Variants in ASH1L observed in about 807,000 individuals in gnomAD.
ASH1L encodes the protein ASH1 like histone lysine methyltransferase.
Under a neutral mutation model 269.0 loss-of-function variants are expected in ASH1L, and 23 were observed. That is an observed-to-expected ratio of 0.09 (90% CI 0.06 to 0.12). ASH1L has a LOEUF of 0.12. Among genes scored for constraint, ASH1L ranks in the 10% least tolerant of loss-of-function variants. The probability of loss-of-function intolerance (pLI) is 1.00; values close to 1 mark genes in which losing one functional copy is unlikely to be tolerated. For synonymous variants in ASH1L, 1,187 were observed against 1,253.5 expected (o/e 0.95, Z 1.12); for missense variants, 2,912 against 3,567.8 (o/e 0.82, Z 4.68).
intron 2 of ASH1L, among the ~76,000 whole-genome samples, chr1:155,494,389 G>A (rs959968595): frequency 6.6e-6 from 1 of 152,210 alleles, no homozygotes; most frequent in Non-Finnish European, 1.5e-5. Flanking sequence ...AAGATTTTAT[G>A]AAGAGGTATA....
intron 5 of ASH1L, among the ~76,000 whole-genome samples, chr1:155,431,069 G>C (rs1054668583): frequency 6.6e-5 from 10 of 151,822 alleles, no homozygotes; most frequent in Admixed American, 6.6e-4. Context: ...AAAATTAGCC[G>C]GGCATGGTGG....
At chr1:155,360,273 A>G in intron 13 of ASH1L, 28 bp downstream of exon 13, 1 of 1,421,818 alleles carries the variant, frequency 7.0e-7, no homozygotes. Flanking sequence ...ATAAAGTTCA[A>G]TCTCCCTCTA....
At chr1:155,492,033 C>CTTTT (rs747132753) in intron 2 of ASH1L, among the ~76,000 whole-genome samples, 16 of 111,916 alleles carry the variant, frequency 1.4e-4, no homozygotes, top group Non-Finnish European at 2.2e-4. Context: ...GTTTTGTTTA[C>CTTTT]TTTTTTTTTT....
intron 19 of ASH1L, 24 bp downstream of exon 19, chr1:155,349,303 C>A: frequency 6.3e-7 from 1 of 1,598,342 alleles, no homozygotes; most frequent in Non-Finnish European, 8.5e-7. Flanking sequence ...CTTGTGAAAT[C>A]TGTTTGAAGT....
chr1:155,460,653 T>C (rs921896355), intron 3 of ASH1L, among the ~76,000 whole-genome samples: 2 of 152,008 alleles, frequency 1.3e-5, no homozygotes, highest in African/African-American at 4.8e-5. Context: ...ACACATCCTA[T>C]CCAATTCACA....
At position 155,414,252 on chromosome 1, in the gene ASH1L, C is replaced by T. The variant is rs528423191; in HGVS notation, c.6008+1492G>A. On this transcript the variant is annotated intron_variant, in intron 6 of 27. Coordinates refer to ENST00000392403, the MANE Select transcript of ASH1L (RefSeq NM_018489.3). ...TGGAGTTATCTTAAACAAACCTATA[C>T]CTTTCACATCCATCCCCCAAACTCA... 5.9e-5 allele frequency among the ~76,000 whole-genome samples: 9 copies of T among 152,224 alleles called. No homozygotes were observed. The South Asian group carries it at 1.7e-3, about 28-fold the overall frequency.
Position 155,521,291 on chromosome 1 carries a change from C to G in ASH1L, c.229G>C (p.Glu77Gln). The change falls in exon 2 of 28, where the codon GAA becomes CAA. Residue 77 changes from glutamate (E) to glutamine (Q), a missense_variant. Around this residue, in one of 13 missense-constraint regions of ASH1L, gnomAD observed 115 missense variants for 101.5 expected, o/e 1.13. Transcript: ENST00000392403. ...TDAQQQFSVK[E>Q]TNFSEGNLKL... ...AAATTTCCCTCTGAAAAGTTTGTTT[C>G]TTTCACTGAAAACTGTTGCTGTGCA... The G allele has an allele frequency of 6.2e-7, 1 of 1,614,130 alleles. No homozygotes were observed.
chr1:155,443,069 G>T (rs991238376), intron 4 of ASH1L, among the ~76,000 whole-genome samples: 1 of 152,164 alleles, frequency 6.6e-6, no homozygotes, highest in Admixed American at 6.5e-5. Context: ...TTAACGCGGT[G>T]ACTATATTCA....
At chr1:155,389,646 C>A (rs961037754) in intron 7 of ASH1L, among the ~76,000 whole-genome samples, 2 of 152,122 alleles carry the variant, frequency 1.3e-5, no homozygotes, top group Non-Finnish European at 2.9e-5. Context: ...GCACTCCAGC[C>A]TGGGCAACAG....
At position 155,562,785 on chromosome 1, in the gene ASH1L, C is replaced by T. The variant is rs1252692639; in HGVS notation, c.-732G>A. On this transcript the variant is annotated 5_prime_UTR_variant, in exon 1 of 28. Coordinates refer to ENST00000392403, the MANE Select transcript of ASH1L (RefSeq NM_018489.3). ...CGCAGGCCCTCACGCGTACCTTCAA[C>T]GGCGCAAGCCCAAGCCTCCTCCTCC... is the stretch of plus-strand genomic sequence containing the variant. The T allele has an allele frequency of 1.4e-6, 1 of 732,336 alleles. No individual in the cohort carries two copies. The highest frequency in any genetic ancestry group is 1.5e-5 in the South Asian group (1 of 68,918). 45.4% of individuals were successfully genotyped at this position (732,336 alleles called of 1,614,324 possible).
intron 4 of ASH1L, among the ~76,000 whole-genome samples, chr1:155,452,781 T>A (rs1476318008): frequency 6.6e-6 from 1 of 152,062 alleles, no homozygotes; most frequent in Non-Finnish European, 1.5e-5. Context: ...GCCCTCGAAC[T>A]CCTGGCCTCA....
chr1:155,413,607 C>CAACA (rs1024283358), intron 6 of ASH1L, among the ~76,000 whole-genome samples: 1 of 152,096 alleles, frequency 6.6e-6, no homozygotes, highest in Admixed American at 6.6e-5. Context: ...AACTCCATCG[C>CAACA]AACAAACAAA....
chr1:155,490,172 G>A (rs1666663793), intron 2 of ASH1L, among the ~76,000 whole-genome samples: 1 of 151,752 alleles, frequency 6.6e-6, no homozygotes, highest in Admixed American at 6.6e-5. Context: ...CACCGTGTTA[G>A]CCAGGATGGT....
intron 2 of ASH1L, among the ~76,000 whole-genome samples, chr1:155,487,698 T>C (rs1340349082): frequency 6.6e-6 from 1 of 152,046 alleles, no homozygotes; most frequent in South Asian, 2.1e-4. Flanking sequence ...CATTTCTTAA[T>C]CTGAATGTTG....
chr1:155,352,639 T>C, intron 17 of ASH1L, 67 bp downstream of exon 17: 1 of 1,463,142 alleles, frequency 6.8e-7, no homozygotes, highest in Non-Finnish European at 9.1e-7. Context: ...ACCCTATCTC[T>C]ATTTATTTAA....
At chr1:155,560,673 T>C (rs1165403157) in intron 1 of ASH1L, among the ~76,000 whole-genome samples, 1 of 152,122 alleles carries the variant, frequency 6.6e-6, no homozygotes, top group Non-Finnish European at 1.5e-5. Context: ...AGTCAACAAA[T>C]ATTTGTTGAA....
At chr1:155,426,013 C>G (rs1426700335) in intron 5 of ASH1L, among the ~76,000 whole-genome samples, 1 of 151,908 alleles carries the variant, frequency 6.6e-6, no homozygotes, top group Non-Finnish European at 1.5e-5. Context: ...CTCAGCCTCC[C>G]AAGTAGCTGG....
intron 6 of ASH1L, among the ~76,000 whole-genome samples, chr1:155,407,811 A>G (rs1659421953): frequency 6.6e-6 from 1 of 152,330 alleles, no homozygotes; most frequent in East Asian, 1.9e-4. Flanking sequence ...CTCAGTCACA[A>G]AAAAACACAT....
At chr1:155,352,228 C>T (rs931881606) in intron 17 of ASH1L, among the ~76,000 whole-genome samples, 2 of 140,224 alleles carry the variant, frequency 1.4e-5, no homozygotes, top group South Asian at 2.2e-4. Context: ...TTTGGGAGGT[C>T]GAGGCAGAAG....
Sources: allele counts gnomAD v4.1 joint callset (sites outside exome capture counted in the v4.1 genomes callset), GRCh38; gene constraint gnomAD v4.1.1; regional missense constraint gnomAD v4.1.1; transcripts MANE v1.5; gene names NCBI Gene and HGNC (gene_info 2026-07-23, HGNC 2026-07-21).